Variants in EPHA3 observed in about 807,000 individuals in gnomAD.
EPHA3 encodes the protein EPH receptor A3, also known as ephrin type-A receptor 3.
A neutral mutation model predicts 107.1 loss-of-function variants in EPHA3; 42 were observed. That is an observed-to-expected ratio of 0.39 (90% CI 0.31 to 0.51). EPHA3 has a LOEUF of 0.51. Ranked by LOEUF, EPHA3 falls within the 20% of genes least tolerant of loss-of-function variation. EPHA3 has a pLI of 0.78. For synonymous variants in EPHA3, 461 were observed against 424.8 expected, an observed-to-expected ratio of 1.09 and a Z score of -1.05; for missense variants, 1,183 against 1,211.2, an observed-to-expected ratio of 0.98 and a Z score of 0.35.
intron 2 of EPHA3, among the ~76,000 whole-genome samples, chr3:89,200,651 T>C (rs1190446946): frequency 6.6e-6 from 1 of 152,236 alleles, no homozygotes; most frequent in East Asian, 1.9e-4. Context: ...TTTCTAAGTA[T>C]GCCAGGGCCT....
At chr3:89,288,139 T>TA (rs1051395219) in intron 3 of EPHA3, among the ~76,000 whole-genome samples, 29 of 151,848 alleles carry the variant, frequency 1.9e-4, no homozygotes, top group East Asian at 5.8e-4. Context: ...ATTACAAATT[T>TA]AAAAAAAACA....
At chr3:89,315,957 G>T (rs963237379) in intron 3 of EPHA3, among the ~76,000 whole-genome samples, 1 of 151,872 alleles carries the variant, frequency 6.6e-6, no homozygotes, top group African/African-American at 2.4e-5. Context: ...CCTGAGTGTG[G>T]TGACCCACAT....
chr3:89,311,565 A>G (rs1282234651), intron 3 of EPHA3, among the ~76,000 whole-genome samples: 2 of 152,040 alleles, frequency 1.3e-5, no homozygotes, highest in African/African-American at 4.8e-5. Flanking sequence ...TATTTTCAGA[A>G]TTTTGAGACA....
At chr3:89,421,900 C>T (rs1322082030) in intron 11 of EPHA3, among the ~76,000 whole-genome samples, 2 of 151,106 alleles carry the variant, frequency 1.3e-5, no homozygotes, top group African/African-American at 2.4e-5. Context: ...ATATATTAAA[C>T]ATCTTACTCA....
chr3:89,176,412 G>C (rs1366659194), intron 2 of EPHA3, among the ~76,000 whole-genome samples: 2 of 147,328 alleles, frequency 1.4e-5, no homozygotes, highest in African/African-American at 5.1e-5. Context: ...AGAATCTCTT[G>C]AACCCACCCA....
chr3:89,202,530 AAAAAATATAT>A (rs1487258298), intron 2 of EPHA3, among the ~76,000 whole-genome samples: 239 of 27,366 alleles, frequency 8.7e-3, no homozygotes, highest in Middle Eastern at 0.033. Flanking sequence ...AAAAAAAAAA[AAAAAATATAT>A]ATATATATAT....
chr3:89,456,714 A>G (rs1165830280), intron 15 of EPHA3, among the ~76,000 whole-genome samples: 1 of 152,190 alleles, frequency 6.6e-6, no homozygotes, highest in African/African-American at 2.4e-5. Flanking sequence ...GAATCATAAT[A>G]AGGGAAGGAC....
chr3:89,160,154 C>T (rs75472084), intron 2 of EPHA3, among the ~76,000 whole-genome samples: 1 of 151,950 alleles, frequency 6.6e-6, no homozygotes, highest in Non-Finnish European at 1.5e-5. Context: ...TTTGCAAATG[C>T]TGTAAATGAA....
intron 3 of EPHA3, among the ~76,000 whole-genome samples, chr3:89,303,470 A>G (rs1249835457): frequency 6.6e-6 from 1 of 150,984 alleles, no homozygotes; most frequent in Non-Finnish European, 1.5e-5. Flanking sequence ...AGAGGAAGAA[A>G]ATAAAGGAGG....
In EPHA3 at chr3:89,310,439, G is replaced by A. The variant is rs1420114740; in HGVS notation, c.815-30477G>A. Reference sequence around the variant, plus strand: ...GGGTATATCTTCTCAATGATAAGTAGGTTAACTGAAAAGCACTTTGATTTA... The same window carrying A: ...GGGTATATCTTCTCAATGATAAGTAAGTTAACTGAAAAGCACTTTGATTTA... On this transcript the variant is annotated intron_variant, in intron 3 of 16. Transcript: ENST00000336596. 2.0e-5 allele frequency among the ~76,000 whole-genome samples: 3 copies of A among 151,726 alleles called. No individual in the cohort carries two copies. The East Asian group carries it at 5.8e-4, about 29-fold the overall frequency.
At chr3:89,197,791 C>A (rs974620309) in intron 2 of EPHA3, among the ~76,000 whole-genome samples, 5 of 151,998 alleles carry the variant, frequency 3.3e-5, no homozygotes, top group African/African-American at 4.8e-5. Context: ...GCCTGGCCAA[C>A]ATGGTGAAAC....
At chr3:89,179,114 GTTAT>G (rs912906105) in intron 2 of EPHA3, among the ~76,000 whole-genome samples, 2 of 151,844 alleles carry the variant, frequency 1.3e-5, no homozygotes, top group African/African-American at 4.8e-5. Context: ...TTTGAGTAGT[GTTAT>G]TTGTGTTTCT....
At chr3:89,433,124 G>A (rs142001835) in intron 13 of EPHA3, among the ~76,000 whole-genome samples, 6 of 152,110 alleles carry the variant, frequency 3.9e-5, no homozygotes, top group African/African-American at 1.4e-4. Context: ...ACGTATACAA[G>A]TATGTGAGAA....
At chr3:89,173,190 A>T (rs1261247833) in intron 2 of EPHA3, among the ~76,000 whole-genome samples, 1 of 152,112 alleles carries the variant, frequency 6.6e-6, no homozygotes, top group Admixed American at 6.5e-5. Context: ...GTAGAGATGC[A>T]TCAAGTATTG....
chr3:89,314,312 T>A (rs1262526019), intron 3 of EPHA3, among the ~76,000 whole-genome samples: 1 of 152,018 alleles, frequency 6.6e-6, no homozygotes, highest in African/African-American at 2.4e-5. Context: ...AGGTTTTGTT[T>A]CTTCTCATAG....
At chr3:89,398,537 G>A (rs1488431594) in intron 6 of EPHA3, among the ~76,000 whole-genome samples, 1 of 152,048 alleles carries the variant, frequency 6.6e-6, no homozygotes, top group Non-Finnish European at 1.5e-5. Context: ...AAATAATGTA[G>A]AGCTACATAT....
intron 2 of EPHA3, among the ~76,000 whole-genome samples, chr3:89,159,685 G>A (rs1210515949): frequency 6.6e-6 from 1 of 152,032 alleles, no homozygotes; most frequent in African/African-American, 2.4e-5. Flanking sequence ...CATTTTCTTG[G>A]AATCCAAAGC....
intron 3 of EPHA3, among the ~76,000 whole-genome samples, chr3:89,262,977 T>A (rs1302012719): frequency 3.5e-4 from 52 of 148,528 alleles, no homozygotes; most frequent in African/African-American, 1.1e-3. Flanking sequence ...TTTTTTTTTT[T>A]TTTTTTTTTT....
At chr3:89,270,869 T>A (rs958528996) in intron 3 of EPHA3, among the ~76,000 whole-genome samples, 1 of 151,962 alleles carries the variant, frequency 6.6e-6, no homozygotes. Flanking sequence ...ATTAAGAAAA[T>A]CATAAGGAAG....
Sources: allele counts gnomAD v4.1 joint callset (sites outside exome capture counted in the v4.1 genomes callset), GRCh38; gene constraint gnomAD v4.1.1; transcripts MANE v1.5; gene names NCBI Gene and HGNC (gene_info 2026-07-23, HGNC 2026-07-21).